The following ENTREP2 variants were observed in gnomAD, a reference collection of about 807,000 sequenced individuals.
ENTREP2 encodes protein ENTREP2.
chr15:29,269,769 T>A, the ENTREP2 span: 12 of 1,378,556 alleles, frequency 8.7e-6, no homozygotes, highest in African/African-American at 1.8e-4. Flanking sequence ...GGATTGCGGG[T>A]CGGCGACCCG....
chr15:29,200,420 C>T, the ENTREP2 span, among the ~76,000 whole-genome samples: 2 of 152,136 alleles, frequency 1.3e-5, no homozygotes, highest in Non-Finnish European at 2.9e-5. Context: ...AAGTGATCCT[C>T]TCACCTCAGA....
the ENTREP2 span, among the ~76,000 whole-genome samples, chr15:29,638,737 G>A: frequency 0.011 from 1,707 of 152,282 alleles, 37 homozygotes; most frequent in African/African-American, 0.039. Context: ...TTAGCCGGGC[G>A]TGGCTGTTGC....
At chr15:29,389,778 C>G in the ENTREP2 span, among the ~76,000 whole-genome samples, 1 of 152,238 alleles carries the variant, frequency 6.6e-6, no homozygotes, top group East Asian at 1.9e-4. Flanking sequence ...ACTCCAGCCA[C>G]CTGCCACTCT....
At chr15:29,390,261 T>A in the ENTREP2 span, among the ~76,000 whole-genome samples, 1 of 152,066 alleles carries the variant, frequency 6.6e-6, no homozygotes, top group Non-Finnish European at 1.5e-5. Context: ...ACCACTCTCA[T>A]GAGAAAAAGG....
the ENTREP2 span, among the ~76,000 whole-genome samples, chr15:29,206,627 G>A: frequency 7.9e-5 from 12 of 152,214 alleles, no homozygotes; most frequent in African/African-American, 2.6e-4. Context: ...CAGTTGTCTG[G>A]GACTCAGTCG....
the ENTREP2 span, among the ~76,000 whole-genome samples, chr15:29,285,513 T>C: frequency 1.3e-5 from 2 of 152,252 alleles, no homozygotes; most frequent in East Asian, 1.9e-4. Flanking sequence ...CAAGAAAAAC[T>C]GATGCAAGAA....
At chr15:29,502,813 A>G in the ENTREP2 span, among the ~76,000 whole-genome samples, 5,211 of 152,164 alleles carry the variant, frequency 0.034, 282 homozygotes, top group African/African-American at 0.12. Flanking sequence ...AAGAAGATAT[A>G]CAAATGGCCA....
chr15:29,269,503 G>A, the ENTREP2 span: 3 of 1,600,956 alleles, frequency 1.9e-6, no homozygotes, highest in Non-Finnish European at 2.6e-6. Flanking sequence ...GGCCCGGCGG[G>A]CGCCCTGAGG....
At chr15:29,519,052 C>CA in the ENTREP2 span, among the ~76,000 whole-genome samples, 41 of 152,212 alleles carry the variant, frequency 2.7e-4, no homozygotes, top group East Asian at 7.5e-3. Flanking sequence ...GTAAAAGCAC[C>CA]AAGTCCTCTT....
the ENTREP2 span, among the ~76,000 whole-genome samples, chr15:29,451,210 G>A: frequency 6.6e-6 from 1 of 152,206 alleles, no homozygotes; most frequent in Non-Finnish European, 1.5e-5. Context: ...TCCCTATGGG[G>A]TCTAGAAAGA....
the ENTREP2 span, among the ~76,000 whole-genome samples, chr15:29,239,535 G>A: frequency 6.6e-6 from 1 of 152,166 alleles, no homozygotes; most frequent in Non-Finnish European, 1.5e-5. Flanking sequence ...TATCCAGAAA[G>A]CCTGGAGCAA....
At chr15:29,218,344 C>T in the ENTREP2 span, among the ~76,000 whole-genome samples, 3 of 152,126 alleles carry the variant, frequency 2.0e-5, no homozygotes, top group African/African-American at 4.8e-5. Context: ...TCATACCCCA[C>T]GCTCATGGAT....
the ENTREP2 span, chr15:29,265,920 CA>C: frequency 2.0e-5 from 3 of 152,144 alleles, no homozygotes; most frequent in Admixed American, 2.0e-4. Context: ...AGGCAGAAAA[CA>C]TATTTACAAT....
At chr15:29,255,061 C>T in the ENTREP2 span, among the ~76,000 whole-genome samples, 4 of 152,154 alleles carry the variant, frequency 2.6e-5, no homozygotes, top group African/African-American at 9.7e-5. Flanking sequence ...CAACACAACT[C>T]CAGTAGACCT....
chr15:29,674,279 T>A, the ENTREP2 span, among the ~76,000 whole-genome samples: 1 of 152,076 alleles, frequency 6.6e-6, no homozygotes, highest in Non-Finnish European at 1.5e-5. Context: ...TTGTTTTTGT[T>A]TTTGTTTTCA....
chr15:29,260,756 G>T, the ENTREP2 span, among the ~76,000 whole-genome samples: 1 of 150,652 alleles, frequency 6.6e-6, no homozygotes, highest in Admixed American at 6.6e-5. Flanking sequence ...TTTCACGTTT[G>T]AAATTTTCTA....
At chr15:29,123,601 C>T in the ENTREP2 span, 12 of 1,551,668 alleles carry the variant, frequency 7.7e-6, no homozygotes, top group Non-Finnish European at 1.0e-5. Flanking sequence ...ATCTGGGTCC[C>T]CCGCTGGTGA....
chr15:29,236,228 T>C, the ENTREP2 span, among the ~76,000 whole-genome samples: 1,402 of 152,214 alleles, frequency 9.2e-3, 23 homozygotes, highest in African/African-American at 0.032. Flanking sequence ...AAAGGAGTAA[T>C]ATGAACAACT....
At chr15:29,628,758 T>A in the ENTREP2 span, among the ~76,000 whole-genome samples, 789 of 152,254 alleles carry the variant, frequency 5.2e-3, 10 homozygotes, top group African/African-American at 0.018. Flanking sequence ...GCATCTTTAT[T>A]TATTTATTTA....
Sources: allele counts gnomAD v4.1 joint callset (sites outside exome capture counted in the v4.1 genomes callset), GRCh38; gene constraint gnomAD v4.1.1; transcripts MANE v1.5; gene names NCBI Gene and HGNC (gene_info 2026-07-23, HGNC 2026-07-21).